The following OTUD7A variants were observed in gnomAD, a reference collection of about 807,000 sequenced individuals.
OTUD7A encodes the protein OTU deubiquitinase 7A.
Under a neutral mutation model 65.7 loss-of-function variants are expected in OTUD7A, and 12 were observed. The observed-to-expected ratio is 0.18, with a 90% CI of 0.12 to 0.30. OTUD7A has a LOEUF of 0.30. Among genes scored for constraint, OTUD7A ranks in the 10% least tolerant of loss-of-function variants. The pLI is 1.00. For missense variants in OTUD7A, 1,148 were observed against 1,304.8 expected, an observed-to-expected ratio of 0.88 and a Z score of 1.85; for synonymous variants, 641 against 586.3, an observed-to-expected ratio of 1.09 and a Z score of -1.35.
intron 1 of OTUD7A, among the ~76,000 whole-genome samples, chr15:31,746,415 A>C (rs1894478757): frequency 6.6e-6 from 1 of 152,230 alleles, no homozygotes; most frequent in South Asian, 2.1e-4. Flanking sequence ...CAATGATAAA[A>C]AAAGAACGAC....
chr15:31,645,448 G>T (rs570022663), intron 3 of OTUD7A, among the ~76,000 whole-genome samples: 8 of 152,166 alleles, frequency 5.3e-5, no homozygotes, highest in Admixed American at 3.3e-4. Context: ...TACTATCCAG[G>T]TTTAATCAAA....
chr15:31,777,372 C>G (rs1173576118), intron 1 of OTUD7A, among the ~76,000 whole-genome samples: 2 of 152,212 alleles, frequency 1.3e-5, no homozygotes, highest in Admixed American at 1.3e-4. Flanking sequence ...ATGACTTGTA[C>G]TTCCTGGTTC....
At chr15:31,577,520 T>C (rs1595623774) in intron 3 of OTUD7A, among the ~76,000 whole-genome samples, 2 of 152,272 alleles carry the variant, frequency 1.3e-5, no homozygotes, top group Non-Finnish European at 2.9e-5. Flanking sequence ...GCTGAACCAA[T>C]GTATACCTTA....
chr15:31,771,758 C>T (rs1004154525), intron 1 of OTUD7A, among the ~76,000 whole-genome samples: 1 of 152,168 alleles, frequency 6.6e-6, no homozygotes, highest in African/African-American at 2.4e-5. Context: ...TTCAAAGCCC[C>T]TGCACCAGAC....
chr15:31,673,480 C>T (rs1892529769), intron 1 of OTUD7A, among the ~76,000 whole-genome samples: 1 of 152,174 alleles, frequency 6.6e-6, no homozygotes, highest in Admixed American at 6.5e-5. Context: ...TTATCTCATC[C>T]CTGAAAATGC....
intron 1 of OTUD7A, among the ~76,000 whole-genome samples, chr15:31,791,241 G>T (rs1335038859): frequency 6.6e-6 from 1 of 152,084 alleles, no homozygotes; most frequent in Non-Finnish European, 1.5e-5. Flanking sequence ...TGGCCAGGAT[G>T]GTCTTGATCT....
intron 3 of OTUD7A, among the ~76,000 whole-genome samples, chr15:31,619,998 G>T (rs979357323): frequency 2.6e-5 from 4 of 152,194 alleles, no homozygotes; most frequent in African/African-American, 9.6e-5. Flanking sequence ...TTTTGTCAAA[G>T]GCCTTTTCTG....
intron 10 of OTUD7A, among the ~76,000 whole-genome samples, chr15:31,494,450 A>C (rs1189697743): frequency 1.3e-5 from 2 of 152,180 alleles, no homozygotes; most frequent in South Asian, 2.1e-4. Context: ...ATCAGAAATA[A>C]ATTTCTATTG....
chr15:31,671,604 A>T (rs897413008), intron 1 of OTUD7A, among the ~76,000 whole-genome samples: 3 of 152,154 alleles, frequency 2.0e-5, no homozygotes, highest in Non-Finnish European at 4.4e-5. Context: ...TAATATGATG[A>T]ATTATATTAA....
Position 31,479,497 on chromosome 15 carries a change from T to C in OTUD7A, c.*3797A>G, listed in dbSNP as rs969094225. The C allele has an allele frequency of 6.6e-6, 1 of 152,252 alleles. No individual in the cohort carries two copies. Among genetic ancestry groups the C allele is most frequent in the East Asian group, 1.9e-4 (1 of 5,204 alleles). The allele number at this position is 152,252 out of a possible 1,614,324, so 9.4% of individuals were successfully genotyped here. A position where few individuals can be genotyped will look rare whatever the true frequency, so the allele number is the denominator to read the frequency against. On this transcript the variant is annotated 3_prime_UTR_variant, in exon 13 of 13. Transcript: ENST00000307050. ...TCTCTTCGTAAATAAAAGACTCACA[T>C]GGAATGGAACTTACACACATGGATT... is the stretch of plus-strand genomic sequence containing the variant.
intron 1 of OTUD7A, among the ~76,000 whole-genome samples, chr15:31,816,116 C>T (rs1034954090): frequency 2.0e-5 from 3 of 152,176 alleles, no homozygotes; most frequent in Non-Finnish European, 4.4e-5. Flanking sequence ...GAGGATGCTG[C>T]TTTGAGGGCT....
intron 1 of OTUD7A, among the ~76,000 whole-genome samples, chr15:31,775,638 T>A (rs1008438342): frequency 6.6e-6 from 1 of 152,176 alleles, no homozygotes; most frequent in Non-Finnish European, 1.5e-5. Context: ...CAAAACGTGA[T>A]CTGTTTTCCC....
rs141963570 is a variant in OTUD7A at position 31,862,620 on chromosome 15, C to T, written c.-100+7887G>A. ...ATCTTGTGAGACTTACTTATTATCA[C>T]GAGAATAGAACAGGAAAGACCATCC... On this transcript the variant is annotated intron_variant, in intron 1 of 12. Transcript: ENST00000307050. 1.3e-4 allele frequency among the ~76,000 whole-genome samples: 20 copies of T among 152,116 alleles called. No homozygotes were observed. The East Asian group carries it at 3.7e-3, about 28-fold the overall frequency.
At chr15:31,651,557 T>C (rs898999444) in intron 3 of OTUD7A, among the ~76,000 whole-genome samples, 1 of 149,060 alleles carries the variant, frequency 6.7e-6, no homozygotes, top group African/African-American at 2.5e-5. Context: ...ATCACCTATG[T>C]AGAAAATCCC....
intron 1 of OTUD7A, among the ~76,000 whole-genome samples, chr15:31,827,161 CA>C (rs1218511808): frequency 1.3e-5 from 2 of 152,198 alleles, no homozygotes; most frequent in African/African-American, 4.8e-5. Flanking sequence ...TCCGTTTTCA[CA>C]CTGCTGATAA....
chr15:31,794,333 G>A (rs1313897615), intron 1 of OTUD7A, among the ~76,000 whole-genome samples: 1 of 152,114 alleles, frequency 6.6e-6, no homozygotes, highest in Non-Finnish European at 1.5e-5. Context: ...CTTAATATCT[G>A]TCAAAGTTTT....
intron 1 of OTUD7A, among the ~76,000 whole-genome samples, chr15:31,754,706 T>C (rs574752499): frequency 3.3e-5 from 5 of 152,312 alleles, no homozygotes; most frequent in African/African-American, 9.6e-5. Context: ...TTCTGTTCCA[T>C]TGGTCTATGT....
chr15:31,835,659 T>C (rs563457460), intron 1 of OTUD7A, among the ~76,000 whole-genome samples: 5 of 151,988 alleles, frequency 3.3e-5, no homozygotes, highest in Non-Finnish European at 7.4e-5. Flanking sequence ...CACACACATA[T>C]ACACACATAC....
intron 5 of OTUD7A, among the ~76,000 whole-genome samples, chr15:31,535,078 A>C (rs1887753161): frequency 6.6e-6 from 1 of 152,214 alleles, no homozygotes; most frequent in Non-Finnish European, 1.5e-5. Flanking sequence ...AGGCACAATT[A>C]TTTTAGAAAA....
Sources: allele counts gnomAD v4.1 joint callset (sites outside exome capture counted in the v4.1 genomes callset), GRCh38; gene constraint gnomAD v4.1.1; transcripts MANE v1.5; gene names NCBI Gene and HGNC (gene_info 2026-07-23, HGNC 2026-07-21).